The following TEX14 variants were observed in gnomAD, a reference collection of about 807,000 sequenced individuals.
TEX14 encodes the protein testis expressed 14, intercellular bridge forming factor.
Under a neutral mutation model 178.6 loss-of-function variants are expected in TEX14, and 168 were observed. The observed-to-expected ratio is 0.94, with a 90% CI of 0.83 to 1.07. The LOEUF is 1.07. Ranked by LOEUF, TEX14 falls within the 50% of genes least tolerant of loss-of-function variation. TEX14 has a pLI of 0.00. For missense variants in TEX14, 1,730 were observed against 1,753.6 expected (o/e 0.99, Z 0.24); for synonymous variants, 626 against 634.1 (o/e 0.99, Z 0.19).
intron 7 of TEX14, among the ~76,000 whole-genome samples, chr17:58,615,909 G>A (rs895386681): frequency 1.3e-5 from 2 of 152,172 alleles, no homozygotes; most frequent in African/African-American, 4.8e-5. Context: ...CACAGCTGTG[G>A]GGGCTGTAAG....
chr17:58,686,200 G>A (rs548375763), intron 1 of TEX14, among the ~76,000 whole-genome samples: 5 of 152,116 alleles, frequency 3.3e-5, no homozygotes, highest in East Asian at 1.9e-4. Context: ...AGCTAGGCAC[G>A]GTGGCATGTG....
At chr17:58,572,185 C>G in intron 23 of TEX14, 59 bp from the exon 24 acceptor site, 1 of 1,313,516 alleles carries the variant, frequency 7.6e-7, no homozygotes, top group Non-Finnish European at 1.1e-6. Context: ...CTCCTTTTTT[C>G]CTTTTTCCCT....
Position 58,638,832 on chromosome 17 carries a change from G to A in TEX14, c.137-8278C>T, listed in dbSNP as rs191726687. On this transcript the variant is annotated intron_variant, in intron 2 of 31. Transcript: ENST00000349033. ...TGGGATTACAGGCATGAGCCACTGC[G>A]ACCGGCCTGGAGACTATTATTCTTT... 3.1e-3 allele frequency among the ~76,000 whole-genome samples: 469 copies of A among 149,196 alleles called. 1 individual carries two copies. The highest frequency in any genetic ancestry group is 4.5e-3 in the Non-Finnish European group (306 of 67,628).
In TEX14 at chr17:58,630,562, G is replaced by A. The variant is rs922266736; in HGVS notation, c.137-8C>T. The A allele has an allele frequency of 1.3e-6, 2 of 1,597,144 alleles. No homozygotes were observed. Among genetic ancestry groups the A allele is most frequent in the Non-Finnish European group, 1.7e-6 (2 of 1,164,854 alleles). Reference sequence around the variant, plus strand: ...CTGCATCAACATAAATTCCTGCAAAGGAAATATCAGAATCAATGCAAATAT... The same window carrying A: ...CTGCATCAACATAAATTCCTGCAAAAGAAATATCAGAATCAATGCAAATAT... On this transcript the variant is annotated splice_polypyrimidine_tract_variant and splice_region_variant and intron_variant, in intron 2 of 31. Coordinates refer to ENST00000349033, the MANE Select transcript of TEX14 (RefSeq NM_031272.5).
chr17:58,668,319 C>T (rs575407706), intron 1 of TEX14, among the ~76,000 whole-genome samples: 23 of 152,350 alleles, frequency 1.5e-4, no homozygotes, highest in African/African-American at 5.5e-4. Flanking sequence ...TCCTGATGGT[C>T]CTGAACAAAG....
chr17:58,594,010 T>C (rs1269833222), intron 14 of TEX14, among the ~76,000 whole-genome samples: 1 of 152,092 alleles, frequency 6.6e-6, no homozygotes, highest in Non-Finnish European at 1.5e-5. Context: ...AATTTTTGTA[T>C]TGTTAGTAGA....
intron 1 of TEX14, among the ~76,000 whole-genome samples, chr17:58,674,839 GAAAA>G (rs1169811140): frequency 8.1e-6 from 1 of 123,398 alleles, no homozygotes; most frequent in Non-Finnish European, 1.7e-5. Flanking sequence ...GAGGCCTTTG[GAAAA>G]AAAAAAAAAA....
At chr17:58,574,970 A>G (rs1177759779) in intron 21 of TEX14, among the ~76,000 whole-genome samples, 1 of 152,162 alleles carries the variant, frequency 6.6e-6, no homozygotes, top group Non-Finnish European at 1.5e-5. Context: ...GAGAGGCCAG[A>G]GAGGCTTGTA....
chr17:58,661,180 A>G, intron 1 of TEX14: 1 of 804,058 alleles, frequency 1.2e-6, no homozygotes, highest in South Asian at 1.3e-5. Context: ...AGGTAATAGC[A>G]CCGTGATTTT....
At chr17:58,573,857 C>T (rs1250546267) in intron 22 of TEX14, among the ~76,000 whole-genome samples, 1 of 152,158 alleles carries the variant, frequency 6.6e-6, no homozygotes, top group African/African-American at 2.4e-5. Context: ...TAACTTTAAA[C>T]ATATCAGCAG....
At chr17:58,616,452 G>A in intron 6 of TEX14, 147 bp from the exon 7 acceptor site, 1 of 639,138 alleles carries the variant, frequency 1.6e-6, no homozygotes, top group Non-Finnish European at 2.4e-6. Context: ...TTTTTTTTTT[G>A]AGACAGGGTA....
At chr17:58,588,568 A>G (rs1321835360) in intron 15 of TEX14, among the ~76,000 whole-genome samples, 1 of 151,850 alleles carries the variant, frequency 6.6e-6, no homozygotes, top group Non-Finnish European at 1.5e-5. Flanking sequence ...TACAGGTGTG[A>G]GCCACCATGC....
chr17:58,624,946 A>G (rs1318806009), intron 3 of TEX14, among the ~76,000 whole-genome samples: 2 of 152,134 alleles, frequency 1.3e-5, no homozygotes, highest in African/African-American at 4.8e-5. Context: ...TGGTGATACT[A>G]AAGAGGCTGG....
chr17:58,577,341 GT>G (rs758401971), intron 21 of TEX14, 33 bp downstream of exon 21: 17 of 933,394 alleles, frequency 1.8e-5, no homozygotes, highest in African/African-American at 3.5e-5. Context: ...GCATCTATGA[GT>G]TTGAAACTGC....
intron 2 of TEX14, among the ~76,000 whole-genome samples, chr17:58,636,443 T>C (rs1336636244): frequency 6.6e-6 from 1 of 152,218 alleles, no homozygotes; most frequent in African/African-American, 2.4e-5. Context: ...TAATATCTGA[T>C]ATTAACAATA....
At chr17:58,687,353 AC>A (rs992753643) in intron 1 of TEX14, among the ~76,000 whole-genome samples, 1 of 151,994 alleles carries the variant, frequency 6.6e-6, no homozygotes, top group African/African-American at 2.4e-5. Flanking sequence ...GAGGCAAGGT[AC>A]CCCCTGACCC....
At chr17:58,609,331 G>T (rs1453541942) in intron 10 of TEX14, among the ~76,000 whole-genome samples, 1 of 152,030 alleles carries the variant, frequency 6.6e-6, no homozygotes, top group African/African-American at 2.4e-5. Flanking sequence ...GGATGGTCTC[G>T]ATTTCCTGAC....
Position 58,556,941 on chromosome 17 carries a change from A to G in TEX14, c.*70T>C. On this transcript the variant is annotated 3_prime_UTR_variant, in exon 32 of 32. Transcript: ENST00000349033. ...TGCCCTGACAGCAACTGAAGCAGAA[A>G]GAGAAGAAAGGAGCTTACAACCAGG... 1 of 1,272,808 alleles carries G rather than the reference A, an allele frequency of 7.9e-7. No homozygotes were observed. The highest frequency in any genetic ancestry group is 1.2e-5 in the South Asian group (1 of 83,816). 78.8% of individuals were successfully genotyped at this position (1,272,808 alleles called of 1,614,324 possible). A position where few individuals can be genotyped will look rare whatever the true frequency, so the allele number is the denominator to read the frequency against.
At chr17:58,629,433 G>A (rs1278726572) in intron 3 of TEX14, among the ~76,000 whole-genome samples, 6 of 146,894 alleles carry the variant, frequency 4.1e-5, no homozygotes, top group Middle Eastern at 3.7e-3. Flanking sequence ...CAGCCTGGGC[G>A]ACAGAGGCAG....
Sources: gnomAD v4.1 joint callset for allele counts (sites outside exome capture counted in the v4.1 genomes callset) on GRCh38, gnomAD v4.1.1 for gene constraint, MANE v1.5 for transcripts, NCBI Gene and HGNC (gene_info 2026-07-23, HGNC 2026-07-21) for gene names.